Variants in GRIA2 observed in about 807,000 individuals in gnomAD.
GRIA2 encodes the protein glutamate receptor 2.
GRIA2 carries 14 observed loss-of-function variants against 97.3 expected under a neutral mutation model. The ratio of observed to expected loss-of-function variants is 0.14; its 90% CI spans 0.10 to 0.23. GRIA2 has a LOEUF of 0.23. Ranked by LOEUF, GRIA2 falls within the 10% of genes least tolerant of loss-of-function variation. GRIA2 has a pLI of 1.00. For synonymous variants in GRIA2, 412 were observed against 387.8 expected (o/e 1.06, Z -0.73); for missense variants, 558 against 1,069.8 (o/e 0.52, Z 6.67).
chr4:157,279,784 T>C lies in GRIA2; in HGVS notation c.230-23768T>C, dbSNP rs1732511494. On this transcript the variant is annotated intron_variant, in intron 2 of 15. Transcript: ENST00000264426. ...AGAAGGCATCTGATGCCTTGTATCA[T>C]CATTTTTATTTTGTTTCTTGTTGGA... is the stretch of plus-strand genomic sequence containing the variant. Among the ~76,000 whole-genome samples, 3 of 152,164 alleles carry C rather than the reference T, an allele frequency of 2.0e-5. No individual in the cohort carries two copies. In the South Asian group the frequency reaches 6.2e-4, roughly 31 times the overall value.
intron 2 of GRIA2, among the ~76,000 whole-genome samples, chr4:157,222,520 C>T (rs947784721): frequency 1.7e-4 from 26 of 152,136 alleles, no homozygotes; most frequent in Non-Finnish European, 3.1e-4. Context: ...GTCAATTTCT[C>T]CTGCTCAGTT....
intron 6 of GRIA2, among the ~76,000 whole-genome samples, chr4:157,323,290 G>A (rs1400680333): frequency 2.5e-5 from 3 of 120,438 alleles, no homozygotes; most frequent in African/African-American, 6.4e-5. Context: ...GGCCGAGATC[G>A]CGCCACTGCA....
rs769643536 is a variant in GRIA2 at position 157,264,868 on chromosome 4, TA to T, written c.230-38681del. Among the ~76,000 whole-genome samples, 4 of 152,102 alleles carry T rather than the reference TA, an allele frequency of 2.6e-5. No homozygotes were observed. In the East Asian group the frequency reaches 5.8e-4, roughly 22 times the overall value. On this transcript the variant is annotated intron_variant, in intron 2 of 15. Transcript: ENST00000264426. ...CTGGGAGCCTTTAGCCATTTGTTCA[TA>T]AATACACACACGCTCTCTCTCTCTC...
intron 2 of GRIA2, among the ~76,000 whole-genome samples, chr4:157,280,625 G>C (rs577874221): frequency 1.3e-3 from 204 of 152,014 alleles, no homozygotes; most frequent in African/African-American, 4.7e-3. Context: ...GGTCTCTCTC[G>C]TGTGTGCGTG....
At chr4:157,255,196 T>C (rs1438262963) in intron 2 of GRIA2, among the ~76,000 whole-genome samples, 11 of 152,016 alleles carry the variant, frequency 7.2e-5, no homozygotes, top group Admixed American at 7.2e-4. Context: ...GTTGTTTCAC[T>C]TAAAATAATG....
In GRIA2 at chr4:157,287,785, A is replaced by G. The variant is rs1732912248; in HGVS notation, c.230-15767A>G. Among the ~76,000 whole-genome samples, 4 of 151,614 alleles carry G rather than the reference A, an allele frequency of 2.6e-5. No individual in the cohort carries two copies. The South Asian group carries it at 8.3e-4, about 32-fold the overall frequency. ...ATGTTCTCATACTAGGGAGTATCCA[A>G]AGTCTTTCTCTTTTCTCCGATGAGC... On this transcript the variant is annotated intron_variant, in intron 2 of 15. Coordinates refer to ENST00000264426, the MANE Select transcript of GRIA2 (RefSeq NM_001083619.3).
chr4:157,263,859 A>T (rs1056741076), intron 2 of GRIA2, among the ~76,000 whole-genome samples: 5 of 152,056 alleles, frequency 3.3e-5, no homozygotes, highest in Non-Finnish European at 5.9e-5. Context: ...TCTGGTGGCG[A>T]TTTACACTCA....
At chr4:157,309,468 C>T (rs538262817) in intron 3 of GRIA2, among the ~76,000 whole-genome samples, 1 of 151,512 alleles carries the variant, frequency 6.6e-6, no homozygotes, top group East Asian at 2.0e-4. Context: ...TCTCCTGCCT[C>T]AGTCTTCCAA....
intron 12 of GRIA2, among the ~76,000 whole-genome samples, chr4:157,356,553 A>G (rs894813020): frequency 6.6e-6 from 1 of 152,096 alleles, no homozygotes; most frequent in African/African-American, 2.4e-5. Context: ...GTTCATCTCC[A>G]AAGTCCACAC....
intron 2 of GRIA2, among the ~76,000 whole-genome samples, chr4:157,229,232 T>C (rs1729892098): frequency 6.6e-6 from 1 of 152,226 alleles, no homozygotes. Context: ...TTTTAGGGCC[T>C]GCAGTTTATG....
intron 2 of GRIA2, among the ~76,000 whole-genome samples, chr4:157,298,312 C>A (rs1733444545): frequency 6.6e-6 from 1 of 151,950 alleles, no homozygotes; most frequent in African/African-American, 2.4e-5. Context: ...ATAGTAGGTT[C>A]TTAAAAGTGC....
In GRIA2 at chr4:157,220,870, G is replaced by A; in HGVS notation, c.-173G>A. ...CGCAGGGCATCAGCAGCCACCAGCA[G>A]GACCTGGGAAATAGGGATTCTTCTG... On this transcript the variant is annotated 5_prime_UTR_variant, in exon 1 of 16. Transcript: ENST00000264426. 1.7e-6 allele frequency: 1 copy of A among 605,782 alleles called. No homozygotes were observed. 37.5% of individuals were successfully genotyped at this position (605,782 alleles called of 1,614,324 possible). A position where few individuals can be genotyped will look rare whatever the true frequency, so the allele number is the denominator to read the frequency against.
chr4:157,269,334 T>C (rs1326521808), intron 2 of GRIA2, among the ~76,000 whole-genome samples: 1 of 152,086 alleles, frequency 6.6e-6, no homozygotes, highest in Non-Finnish European at 1.5e-5. Context: ...GAAATTATCA[T>C]AGTTGTTAAT....
chr4:157,359,944 G>A lies in GRIA2; in HGVS notation c.2092G>A (p.Ala698Thr). ...FDKMWTYMRS[A>T]EPSVFVRTTA... is the part of the protein sequence containing the mutation. ...TAAAATGTGGACCTACATGCGGAGT[G>A]CGGAGCCCTCTGTGTTTGTGAGGAC... Residue 698 changes from alanine (A) to threonine (T), a missense_variant, in exon 13 of 16, where the codon GCG becomes ACG. Physicochemically the swap from Ala to Thr is moderately conservative, Grantham distance 58. Coordinates refer to ENST00000264426, the MANE Select transcript of GRIA2 (RefSeq NM_001083619.3). 1.2e-6 allele frequency: 2 copies of A among 1,613,588 alleles called. No homozygotes were observed. The highest frequency in any genetic ancestry group is 1.7e-6 in the Non-Finnish European group (2 of 1,179,632).
At chr4:157,221,605 G>A (rs933857794) in intron 1 of GRIA2, 62 bp from the exon 2 acceptor site, 32 of 1,554,240 alleles carry the variant, frequency 2.1e-5, no homozygotes, top group East Asian at 2.3e-5. Context: ...GCTAGCGCGC[G>A]CCCCTCCTTT....
At chr4:157,336,811 A>G in intron 11 of GRIA2, 64 bp downstream of exon 11, 1 of 1,490,514 alleles carries the variant, frequency 6.7e-7, no homozygotes, top group Non-Finnish European at 9.1e-7. Flanking sequence ...CATGGTGTTT[A>G]TGGATTCACC....
At chr4:157,239,935 C>T (rs1321751630) in intron 2 of GRIA2, among the ~76,000 whole-genome samples, 2 of 151,884 alleles carry the variant, frequency 1.3e-5, no homozygotes, top group Non-Finnish European at 2.9e-5. Context: ...GTATTCTAGT[C>T]TTTCAAGAGA....
At chr4:157,262,158 A>T (rs556879004) in intron 2 of GRIA2, among the ~76,000 whole-genome samples, 96 of 152,204 alleles carry the variant, frequency 6.3e-4, no homozygotes, top group African/African-American at 2.2e-3. Flanking sequence ...GGTGGCCAGT[A>T]TAAGTATCAA....
chr4:157,241,519 T>C (rs1730510148), intron 2 of GRIA2, among the ~76,000 whole-genome samples: 1 of 152,126 alleles, frequency 6.6e-6, no homozygotes, highest in African/African-American at 2.4e-5. Context: ...TTTCTAGATA[T>C]CTGTTTAGTT....
Sources: gnomAD v4.1 joint callset for allele counts (sites outside exome capture counted in the v4.1 genomes callset) on GRCh38, gnomAD v4.1.1 for gene constraint, MANE v1.5 for transcripts, NCBI Gene and HGNC (gene_info 2026-07-23, HGNC 2026-07-21) for gene names.